AARS1: variants seen among roughly 807,000 people sequenced by gnomAD.
AARS1 encodes alanine--tRNA ligase, cytoplasmic.
AARS1 carries 72 observed loss-of-function variants against 108.9 expected under a neutral mutation model. The ratio of observed to expected loss-of-function variants is 0.66; its 90% confidence interval spans 0.55 to 0.80. AARS1 has a LOEUF of 0.80. Ranked by LOEUF, AARS1 falls within the 30% of genes least tolerant of loss-of-function variation. AARS1 has a pLI of 0.00. For missense variants in AARS1, 1,193 were observed against 1,233.2 expected, an observed-to-expected ratio of 0.97 and a Z score of 0.49; for synonymous variants, 489 against 465.7, an observed-to-expected ratio of 1.05 and a Z score of -0.64.
Position 70,265,042 on chromosome 16 carries a change from T to C in AARS1, c.1408A>G (p.Ile470Val). Residue 470 changes from isoleucine to valine, a missense_variant, in exon 11 of 21, where the codon ATC becomes GTC. Transcript: ENST00000261772. ...EDLIMLDIYAIEELRARGLEV... is the reference protein window; with the variant it reads ...EDLIMLDIYAVEELRARGLEV... ...AGACCCCGTGCCCGGAGCTCTTCGATAGCGTAAATGTCCAGCATAATGAGG... is the reference window on the plus strand; with the variant it reads ...AGACCCCGTGCCCGGAGCTCTTCGACAGCGTAAATGTCCAGCATAATGAGG... 1 of 1,614,176 alleles carries C rather than the reference T, an allele frequency of 6.2e-7. No homozygotes were observed. The highest frequency in any genetic ancestry group is 8.5e-7 in the Non-Finnish European group (1 of 1,180,038).
intron 9 of AARS1, among the ~76,000 whole-genome samples, chr16:70,266,264 A>C (rs1410039120): frequency 2.6e-5 from 4 of 151,888 alleles, no homozygotes; most frequent in Non-Finnish European, 5.9e-5. Flanking sequence ...CAGTGAGCCG[A>C]GATAGCGCCA....
At chr16:70,260,958 G>T in intron 13 of AARS1, 86 bp downstream of exon 13, 1 of 1,088,388 alleles carries the variant, frequency 9.2e-7, no homozygotes, top group Non-Finnish European at 1.4e-6. Context: ...CACCACACCC[G>T]GCCCAACAGT....
chr16:70,261,018 A>C, intron 13 of AARS1, 26 bp downstream of exon 13: 1 of 1,546,984 alleles, frequency 6.5e-7, no homozygotes, highest in Non-Finnish European at 8.9e-7. Context: ...ACCAGATCCA[A>C]TGGGGGCCAC....
In AARS1 at chr16:70,259,173, G is replaced by T. The variant is rs1355373452; in HGVS notation, c.1799C>A (p.Pro600His). The T allele has an allele frequency of 1.2e-6, 2 of 1,614,088 alleles. No individual in the cohort carries two copies. The highest frequency in any genetic ancestry group is 1.7e-6 in the Non-Finnish European group (2 of 1,180,024). Reference sequence around the variant, plus strand: ...CGTAGCTGTGTGGTTGCTCATGATGGGTCTTCGTCGGGGCTGGAAAGGGCA... The same window carrying T: ...CGTAGCTGTGTGGTTGCTCATGATGTGTCTTCGTCGGGGCTGGAAAGGGCA... The part of the protein sequence containing the change: ...WLFIDEPRRR[P>H]IMSNHTATHI... Residue 600 changes from proline to histidine, a missense_variant, in exon 14 of 21, where the codon CCC (proline) becomes CAC (histidine). Physicochemically the swap from Pro to His is moderately conservative, Grantham distance 77 (BLOSUM62 -2). Coordinates refer to ENST00000261772, the MANE Select transcript of AARS1 (RefSeq NM_001605.3).
rs1960122570 is a variant in AARS1, at chr16:70,261,128, C to G, written c.1701G>C (p.Gln567His). Residue 567 changes from glutamine (Q) to histidine (H), a missense_variant, in exon 13 of 21, where the codon CAG becomes CAC. By Grantham distance (24) the Gln-to-His change is conservative. Coordinates refer to ENST00000261772, the MANE Select transcript of AARS1 (RefSeq NM_001605.3). ...DKTEFTVKNAQVRGGYVLHIG... is the reference protein window; with the variant it reads ...DKTEFTVKNAHVRGGYVLHIG... ...TGTGTAGCACATACCCTCCTCGGAC[C>G]TGAGCATTCTTCACTGTAAACTCTG... 6.2e-7 allele frequency: 1 copy of G among 1,613,656 alleles called. No homozygotes were observed. Among genetic ancestry groups the G allele is most frequent in the African/African-American group, 1.3e-5 (1 of 74,912 alleles).
chr16:70,261,151 CTG>C lies in AARS1; in HGVS notation c.1676_1677del (p.Thr559ArgfsTer23). ...ACCTGAGCATTCTTCACTGTAAACT[CTG>C]TTTTCTAAGAGGGGTCAAGGAAGAG... ...VKVDDSSEDK[T>X]EFTVKNAQVR... On this transcript the variant is annotated frameshift_variant, in exon 13 of 21. Coordinates refer to ENST00000261772, the MANE Select transcript of AARS1 (RefSeq NM_001605.3). LOFTEE classifies it high-confidence loss of function. 6.2e-7 allele frequency: 1 copy of C among 1,612,656 alleles called. No individual in the cohort carries two copies. The highest frequency in any genetic ancestry group is 8.5e-7 in the Non-Finnish European group (1 of 1,178,884).
chr16:70,270,343 G>A lies in AARS1; in HGVS notation c.672-3C>T, dbSNP rs1386491331. 3 of 1,614,132 alleles carry A rather than the reference G, an allele frequency of 1.9e-6. No individual in the cohort carries two copies. Among genetic ancestry groups the A allele is most frequent in the South Asian group, 2.2e-5 (2 of 91,082 alleles). On this transcript the variant is annotated splice_polypyrimidine_tract_variant and splice_region_variant and intron_variant, in intron 5 of 20. Transcript: ENST00000261772. ...GTTTCAGAATGCCATCAGCTTCCCT[G>A]TATGATCCAGAAGAAGAGGAGGTTG... is the stretch of plus-strand genomic sequence containing the variant.
chr16:70,260,166 C>T (rs373196961), intron 13 of AARS1, among the ~76,000 whole-genome samples: 1 of 152,308 alleles, frequency 6.6e-6, no homozygotes, highest in African/African-American at 2.4e-5. Flanking sequence ...GTACTCATCA[C>T]CAGGAACATG....
intron 1 of AARS1, among the ~76,000 whole-genome samples, chr16:70,287,876 C>T (rs1322874754): frequency 6.6e-6 from 1 of 152,092 alleles, no homozygotes; most frequent in African/African-American, 2.4e-5. Flanking sequence ...AGCGATTCTC[C>T]TGCCTCAGCC....
chr16:70,280,844 T>C (rs570421661), intron 2 of AARS1, among the ~76,000 whole-genome samples: 2 of 152,330 alleles, frequency 1.3e-5, no homozygotes, highest in South Asian at 2.1e-4. Flanking sequence ...CTTTCCTTTT[T>C]TGAGACAGGG....
chr16:70,283,423 A>G (rs982025030), intron 1 of AARS1, among the ~76,000 whole-genome samples: 11 of 152,170 alleles, frequency 7.2e-5, no homozygotes, highest in East Asian at 1.9e-4. Flanking sequence ...AGGAAAAAAA[A>G]AAAGAAAAAA....
chr16:70,274,816 T>A (rs1449933375), intron 4 of AARS1, among the ~76,000 whole-genome samples: 1 of 152,012 alleles, frequency 6.6e-6, no homozygotes, highest in Non-Finnish European at 1.5e-5. Context: ...CCAGGAAGAC[T>A]AGATATGGGA....
rs201533486 is a variant in AARS1, at chr16:70,282,782, G to T, written c.-19C>A. 2 of 1,612,846 alleles carry T rather than the reference G, an allele frequency of 1.2e-6. No individual in the cohort carries two copies. Among genetic ancestry groups the T allele is most frequent in the Middle Eastern group, 1.7e-4 (1 of 6,052 alleles). On this transcript the variant is annotated splice_region_variant and 5_prime_UTR_variant, in exon 2 of 21. Coordinates refer to ENST00000261772, the MANE Select transcript of AARS1 (RefSeq NM_001605.3). ...AGTCCATCTTGAAAGTCACCCCAAA[G>T]AACTAATCAAAGAAAAAAAAATGAA...
intron 17 of AARS1, 162 bp downstream of exon 17, chr16:70,254,459 G>C: frequency 1.5e-6 from 1 of 669,730 alleles, no homozygotes; most frequent in East Asian, 2.8e-5. Flanking sequence ...CCAAGGACAG[G>C]ATCCATGGGG....
At chr16:70,272,812 T>C (rs1456482850) in intron 4 of AARS1, among the ~76,000 whole-genome samples, 1 of 150,144 alleles carries the variant, frequency 6.7e-6, no homozygotes, top group Non-Finnish European at 1.5e-5. Context: ...TCCCAGCTAC[T>C]CGGGAGAGGA....
At chr16:70,266,133 G>GA (rs1009034071) in intron 9 of AARS1, among the ~76,000 whole-genome samples, 2 of 152,080 alleles carry the variant, frequency 1.3e-5, no homozygotes, top group African/African-American at 4.8e-5. Flanking sequence ...CCAATACGGT[G>GA]AAACCCTGTC....
chr16:70,287,420 C>T (rs1336162745), intron 1 of AARS1, among the ~76,000 whole-genome samples: 1 of 150,750 alleles, frequency 6.6e-6, no homozygotes, highest in Non-Finnish European at 1.5e-5. Flanking sequence ...AAAGCGAGAC[C>T]TGTTTCAACT....
chr16:70,259,319 C>T, intron 13 of AARS1, 133 bp from the exon 14 acceptor site: 1 of 941,342 alleles, frequency 1.1e-6, no homozygotes, highest in Non-Finnish European at 1.7e-6. Context: ...CATTTCCCAG[C>T]TTCCCTATGG....
chr16:70,288,192 T>C (rs549926511), intron 1 of AARS1, among the ~76,000 whole-genome samples: 1 of 135,254 alleles, frequency 7.4e-6, no homozygotes, highest in East Asian at 2.5e-4. Context: ...AAGCTCCGCC[T>C]CCCGGGTTCA....
Sources: gnomAD v4.1 joint callset for allele counts (sites outside exome capture counted in the v4.1 genomes callset) on GRCh38, gnomAD v4.1.1 for gene constraint, MANE v1.5 for transcripts, NCBI Gene and HGNC (gene_info 2026-07-23, HGNC 2026-07-21) for gene names.